Variants in GABRG1 observed in about 807,000 individuals in gnomAD.
GABRG1 encodes gamma-aminobutyric acid receptor subunit gamma-1.
A neutral mutation model predicts 49.8 loss-of-function variants in GABRG1; 49 were observed. The ratio of observed to expected loss-of-function variants is 0.98; its 90% CI spans 0.78 to 1.25. The LOEUF (loss-of-function observed/expected upper bound fraction) is 1.25, where lower values mean the gene tolerates loss of function less well. Among genes scored for constraint, GABRG1 ranks in the 50% most tolerant of loss-of-function variants. GABRG1 has a pLI of 0.00. For synonymous variants in GABRG1, 232 were observed against 185.1 expected, an observed-to-expected ratio of 1.25 and a Z score of -2.06; for missense variants, 552 against 552.3, an observed-to-expected ratio of 1.00 and a Z score of 0.01.
chr4:46,039,747 C>T lies in GABRG1; in HGVS notation c.*1241G>A, dbSNP rs567302494. Reference sequence around the variant, plus strand: ...AACTATTAACTGATAGATTTTACATCCAGTGAGATGCTAAGAATTTAGAGA... The same window carrying T: ...AACTATTAACTGATAGATTTTACATTCAGTGAGATGCTAAGAATTTAGAGA... On this transcript the variant is annotated 3_prime_UTR_variant, in exon 9 of 9. Coordinates refer to ENST00000295452, the MANE Select transcript of GABRG1 (RefSeq NM_173536.4). The T allele has an allele frequency of 6.6e-6, 1 of 151,694 alleles. No homozygotes were observed. The highest frequency in any genetic ancestry group is 2.4e-5 in the African/African-American group (1 of 41,462). The allele number at this position is 151,694 out of a possible 1,614,324, so 9.4% of individuals were successfully genotyped here.
intron 1 of GABRG1, among the ~76,000 whole-genome samples, chr4:46,112,545 T>C (rs1720749839): frequency 6.6e-6 from 1 of 151,350 alleles, no homozygotes; most frequent in Non-Finnish European, 1.5e-5. Flanking sequence ...ACATGTTCCA[T>C]GCAGCACTGT....
intron 2 of GABRG1, among the ~76,000 whole-genome samples, chr4:46,088,131 A>T (rs149029289): frequency 6.6e-6 from 1 of 152,160 alleles, no homozygotes; most frequent in Non-Finnish European, 1.5e-5. Flanking sequence ...AGTGGTTCTC[A>T]ATGAGAACAC....
intron 8 of GABRG1, among the ~76,000 whole-genome samples, chr4:46,049,204 T>G (rs1399891729): frequency 6.6e-6 from 1 of 151,880 alleles, no homozygotes; most frequent in Non-Finnish European, 1.5e-5. Context: ...TGCTACAACA[T>G]CTTGCAACCA....
chr4:46,086,960 T>TACG (rs1719783782), intron 2 of GABRG1, among the ~76,000 whole-genome samples: 1 of 151,134 alleles, frequency 6.6e-6, no homozygotes, highest in Non-Finnish European at 1.5e-5. Flanking sequence ...GAGCAGCCTC[T>TACG]ATGATTTTCT....
chr4:46,075,640 G>T (rs951316859), intron 3 of GABRG1, among the ~76,000 whole-genome samples: 2 of 151,878 alleles, frequency 1.3e-5, no homozygotes, highest in Non-Finnish European at 2.9e-5. Flanking sequence ...AAAAACTATG[G>T]CTTTATATTC....
In GABRG1 at chr4:46,079,233, C is replaced by T. The variant is rs1012653057; in HGVS notation, c.321+4753G>A. Among the ~76,000 whole-genome samples, 4 of 151,978 alleles carry T rather than the reference C, an allele frequency of 2.6e-5. No homozygotes were observed. The East Asian group carries it at 7.8e-4, about 30-fold the overall frequency. On this transcript the variant is annotated intron_variant, in intron 3 of 8. Coordinates refer to ENST00000295452, the MANE Select transcript of GABRG1 (RefSeq NM_173536.4). ...GATCCTCTTTGCCTACTGCTCACCC[C>T]TTTGTAGTCCTCTCCAGCATGCACT...
intron 7 of GABRG1, 84 bp downstream of exon 7, chr4:46,058,133 A>C: frequency 7.6e-7 from 1 of 1,313,444 alleles, no homozygotes; most frequent in South Asian, 1.6e-5. Context: ...GAATATATCT[A>C]ATAAATGTGA....
intron 1 of GABRG1, among the ~76,000 whole-genome samples, chr4:46,118,191 C>T (rs1160180543): frequency 6.8e-6 from 1 of 146,460 alleles, no homozygotes; most frequent in Non-Finnish European, 1.5e-5. Context: ...AACCCCCTAA[C>T]AGAACATATA....
chr4:46,123,667 G>A, intron 1 of GABRG1, 143 bp downstream of exon 1: 1 of 621,424 alleles, frequency 1.6e-6, no homozygotes, highest in Non-Finnish European at 2.9e-6. Context: ...GATCTAATCA[G>A]AAAATAAAAC....
chr4:46,091,189 C>G (rs1320105414), intron 2 of GABRG1, among the ~76,000 whole-genome samples: 1 of 152,064 alleles, frequency 6.6e-6, no homozygotes, highest in Admixed American at 6.6e-5. Context: ...CTCAGGCTGT[C>G]AGTCCAGACA....
Position 46,039,290 on chromosome 4 carries a change from C to A in GABRG1, c.*1698G>T, listed in dbSNP as rs1265261286. ...GGATATTGGGCATTACCATTTGATT[C>A]ATGCTTATTTTTTTCCAGAAGTTTA... On this transcript the variant is annotated 3_prime_UTR_variant, in exon 9 of 9. Coordinates refer to ENST00000295452, the MANE Select transcript of GABRG1 (RefSeq NM_173536.4). 1 of 150,356 alleles carries A rather than the reference C, an allele frequency of 6.7e-6. No individual in the cohort carries two copies. Among genetic ancestry groups the A allele is most frequent in the Admixed American group, 6.7e-5 (1 of 15,004 alleles). The allele number at this position is 150,356 out of a possible 1,614,324, so 9.3% of individuals were successfully genotyped here. A position where few individuals can be genotyped will look rare whatever the true frequency, so the allele number is the denominator to read the frequency against.
intron 2 of GABRG1, among the ~76,000 whole-genome samples, chr4:46,095,616 A>G (rs1052864604): frequency 1.3e-5 from 2 of 151,860 alleles, no homozygotes; most frequent in Admixed American, 1.3e-4. Context: ...AAAGCAAGTT[A>G]CCAGTGCAAT....
intron 5 of GABRG1, among the ~76,000 whole-genome samples, chr4:46,062,115 G>T (rs1426570442): frequency 1.4e-5 from 2 of 145,778 alleles, no homozygotes; most frequent in Non-Finnish European, 3.0e-5. Context: ...CTATGAGTGA[G>T]AACATGCGGT....
intron 1 of GABRG1, among the ~76,000 whole-genome samples, chr4:46,100,476 T>TA (rs34941036): frequency 2.0e-4 from 30 of 150,242 alleles, no homozygotes; most frequent in South Asian, 1.0e-3. Context: ...AAAATAAAAG[T>TA]AAAAAAAAAA....
chr4:46,057,032 G>A (rs903098532), intron 7 of GABRG1, among the ~76,000 whole-genome samples: 6 of 151,980 alleles, frequency 3.9e-5, no homozygotes, highest in African/African-American at 1.4e-4. Context: ...ATGCATAGTG[G>A]TTATACTAAT....
chr4:46,085,192 T>G (rs1297301882), intron 2 of GABRG1, among the ~76,000 whole-genome samples: 1 of 151,520 alleles, frequency 6.6e-6, no homozygotes, highest in Non-Finnish European at 1.5e-5. Context: ...AAATTGTTCC[T>G]GGGACAATTT....
Position 46,056,163 on chromosome 4 carries a change from A to T in GABRG1, c.916+2054T>A, listed in dbSNP as rs1192010311. On this transcript the variant is annotated intron_variant, in intron 7 of 8. Transcript: ENST00000295452. ...TAAATAAATAAATTAAAAAAAAAAA[A>T]AAAAAAAAAAAAAAAAATAGTCTCC... 2.4e-4 allele frequency among the ~76,000 whole-genome samples: 8 copies of T among 32,862 alleles called. 1 individual carries two copies. The highest frequency in any genetic ancestry group is 5.3e-4 in the Admixed American group (2 of 3,796). 21.6% of individuals were successfully genotyped at this position (32,862 alleles called of 152,430 possible).
At chr4:46,109,842 T>TGATATC (rs1720664972) in intron 1 of GABRG1, among the ~76,000 whole-genome samples, 1 of 151,108 alleles carries the variant, frequency 6.6e-6, no homozygotes, top group African/African-American at 2.4e-5. Flanking sequence ...TTCTTGGTAT[T>TGATATC]GATATCTATT....
At chr4:46,049,869 A>G (rs375235069) in intron 8 of GABRG1, among the ~76,000 whole-genome samples, 1 of 152,004 alleles carries the variant, frequency 6.6e-6, no homozygotes, top group East Asian at 1.9e-4. Flanking sequence ...TCCTTCGATA[A>G]TATAATAGTG....
Sources: gnomAD v4.1 joint callset for allele counts (sites outside exome capture counted in the v4.1 genomes callset) on GRCh38, gnomAD v4.1.1 for gene constraint, MANE v1.5 for transcripts, NCBI Gene and HGNC (gene_info 2026-07-23, HGNC 2026-07-21) for gene names.